CARD8: variants seen among roughly 807,000 people sequenced by gnomAD.
CARD8 encodes the protein caspase recruitment domain family member 8, also known as caspase recruitment domain-containing protein 8.
CARD8 carries 38 observed loss-of-function variants against 53.2 expected under a neutral mutation model. The ratio of observed to expected loss-of-function variants is 0.71; its 90% CI spans 0.55 to 0.94. The LOEUF (loss-of-function observed/expected upper bound fraction) is 0.94, where lower values mean the gene tolerates loss of function less well. Ranked by LOEUF, CARD8 falls within the 40% of genes least tolerant of loss-of-function variation. CARD8 has a pLI of 0.00. For missense variants in CARD8, 561 were observed against 655.5 expected, an observed-to-expected ratio of 0.86 and a Z score of 1.57; for synonymous variants, 245 against 244.9, an observed-to-expected ratio of 1.00 and a Z score of 0.00.
chr19:48,244,797 G>A (rs1025925909), intron 3 of CARD8, among the ~76,000 whole-genome samples: 2 of 152,110 alleles, frequency 1.3e-5, no homozygotes, highest in Non-Finnish European at 2.9e-5. Context: ...AGACCAGGAA[G>A]TTGTTGTTTT....
At chr19:48,216,072 G>C (rs913195442) in intron 12 of CARD8, among the ~76,000 whole-genome samples, 5 of 149,430 alleles carry the variant, frequency 3.3e-5, no homozygotes, top group African/African-American at 1.2e-4. Flanking sequence ...GAGCTGCCTT[G>C]AACCAGCATA....
intron 12 of CARD8, among the ~76,000 whole-genome samples, chr19:48,216,227 A>G (rs2039270472): frequency 6.6e-6 from 1 of 152,158 alleles, no homozygotes. Flanking sequence ...ATGTTTACAG[A>G]GAAATGGAGA....
chr19:48,239,264 A>C (rs1240647045), intron 4 of CARD8, among the ~76,000 whole-genome samples: 1 of 152,184 alleles, frequency 6.6e-6, no homozygotes, highest in Admixed American at 6.5e-5. Flanking sequence ...GACCTGTCAA[A>C]GTTGTTGCTT....
At chr19:48,224,880 A>G (rs994026918) in intron 10 of CARD8, among the ~76,000 whole-genome samples, 2 of 151,090 alleles carry the variant, frequency 1.3e-5, no homozygotes, top group Non-Finnish European at 2.9e-5. Context: ...CAGCCTCCCG[A>G]GTAGCTGGGA....
intron 10 of CARD8, chr19:48,223,772 A>G (rs2041177321): frequency 2.2e-6 from 1 of 451,902 alleles, no homozygotes; most frequent in African/African-American, 2.0e-5. Flanking sequence ...TATCATATGC[A>G]CATATATTTT....
downstream of CARD8, among the ~76,000 whole-genome samples, chr19:48,207,360 G>A (rs1410774324): frequency 2.6e-5 from 4 of 152,064 alleles, no homozygotes; most frequent in African/African-American, 9.7e-5. Context: ...TGTAACTTCA[G>A]ATTAATTTCC....
rs114230554 is a variant in CARD8 at position 48,234,493 on chromosome 19, T to G, written c.260A>C (p.His87Pro). 1,285 of 1,613,878 alleles carry G rather than the reference T, an allele frequency of 8.0e-4. 13 individuals are homozygous for G. The African/African-American group carries it at 0.015, about 19-fold the overall frequency. The change falls in exon 6 of 14, where the codon CAT (histidine) becomes CCT (proline). Residue 87 changes from histidine to proline, a missense_variant. Coordinates refer to ENST00000651546, the MANE Select transcript of CARD8 (RefSeq NM_001184900.3). ...CVSETLCDISHFFQEDDETEA... is the reference protein window; with the variant it reads ...CVSETLCDISPFFQEDDETEA... ...TGTCTCATCATCTTCTTGGAAAAAA[T>G]GTGAGATGTCACAAAGGGTCTCAGA...
intron 3 of CARD8, among the ~76,000 whole-genome samples, chr19:48,247,883 G>T (rs1211623776): frequency 6.6e-6 from 1 of 151,630 alleles, no homozygotes; most frequent in Non-Finnish European, 1.5e-5. Context: ...TTTACCATTT[G>T]TGATACACAT....
chr19:48,229,547 A>G (rs746862684), intron 10 of CARD8, among the ~76,000 whole-genome samples: 4 of 152,142 alleles, frequency 2.6e-5, no homozygotes, highest in Non-Finnish European at 4.4e-5. Context: ...CATTCTTGGG[A>G]TGTTGGAGCA....
chr19:48,254,959 T>G (rs1432475947), intron 1 of CARD8, among the ~76,000 whole-genome samples: 1 of 152,196 alleles, frequency 6.6e-6, no homozygotes, highest in Non-Finnish European at 1.5e-5. Context: ...CCAAGGAAAA[T>G]TCTGTTAAAA....
chr19:48,215,941 C>T (rs1013189281), intron 12 of CARD8, among the ~76,000 whole-genome samples: 2 of 152,026 alleles, frequency 1.3e-5, no homozygotes, highest in African/African-American at 2.4e-5. Context: ...CATGCCCCCC[C>T]CACCCCACCT....
chr19:48,217,466 A>G (rs1298597987), intron 12 of CARD8, among the ~76,000 whole-genome samples: 3 of 152,328 alleles, frequency 2.0e-5, no homozygotes, highest in East Asian at 3.9e-4. Context: ...GCCTCAAATA[A>G]TATCACTGCA....
Position 48,215,324 on chromosome 19 carries a change from TA to T in CARD8, c.1348+15del. The T allele has an allele frequency of 1.3e-6, 2 of 1,600,004 alleles. No individual in the cohort carries two copies. The highest frequency in any genetic ancestry group is 1.7e-6 in the Non-Finnish European group (2 of 1,167,536). On this transcript the variant is annotated intron_variant, in intron 13 of 13. Coordinates refer to ENST00000651546, the MANE Select transcript of CARD8 (RefSeq NM_001184900.3). The stretch of plus-strand genomic sequence containing the variant: ...CTCATACATACCCTTGGCTTTAATG[TA>T]AACATTTCACTTACCTGAGAAAGGA...
intron 5 of CARD8, among the ~76,000 whole-genome samples, chr19:48,236,286 C>A (rs2043855327): frequency 1.3e-5 from 2 of 152,180 alleles, no homozygotes; most frequent in Non-Finnish European, 2.9e-5. Context: ...GATCTTGGCT[C>A]ACTGCAACCT....
chr19:48,246,298 G>C (rs2046097880), intron 3 of CARD8, among the ~76,000 whole-genome samples: 1 of 152,118 alleles, frequency 6.6e-6, no homozygotes, highest in African/African-American at 2.4e-5. Flanking sequence ...TTCATGTTCT[G>C]GAGTCACAAT....
intron 1 of CARD8, among the ~76,000 whole-genome samples, chr19:48,250,889 G>A (rs2046854862): frequency 6.6e-6 from 1 of 152,166 alleles, no homozygotes; most frequent in Admixed American, 6.5e-5. Flanking sequence ...AGTTTAAAAA[G>A]GAGAAATACA....
intron 1 of CARD8, among the ~76,000 whole-genome samples, chr19:48,253,169 T>C (rs781207067): frequency 6.6e-6 from 1 of 152,106 alleles, no homozygotes; most frequent in Non-Finnish European, 1.5e-5. Context: ...ATAGGACTGG[T>C]TAAGAGAATG....
At chr19:48,223,698 T>C in intron 10 of CARD8, 1 of 363,372 alleles carries the variant, frequency 2.8e-6, no homozygotes, top group Non-Finnish European at 5.4e-6. Flanking sequence ...GACAGATTTC[T>C]GTAGGTGTTG....
At chr19:48,240,890 T>C (rs993163986) in intron 4 of CARD8, 72 bp downstream of exon 4, 4 of 1,155,624 alleles carry the variant, frequency 3.5e-6, no homozygotes, top group Admixed American at 4.0e-5. Flanking sequence ...TGGTCCTCTG[T>C]ATCTCATGAA....
Sources: allele counts gnomAD v4.1 joint callset (sites outside exome capture counted in the v4.1 genomes callset), GRCh38; gene constraint gnomAD v4.1.1; transcripts MANE v1.5; gene names NCBI Gene and HGNC (gene_info 2026-07-23, HGNC 2026-07-21).